Variants in BCKDHB observed in about 807,000 individuals in gnomAD.
BCKDHB encodes the protein branched chain keto acid dehydrogenase E1 subunit beta.
In BCKDHB, 41 loss-of-function variants were observed where a neutral mutation model predicts 48.5. The observed-to-expected ratio is 0.85, with a 90% confidence interval of 0.66 to 1.10. The LOEUF (loss-of-function observed/expected upper bound fraction) is 1.10. Ranked by LOEUF, BCKDHB falls within the 50% of genes least tolerant of loss-of-function variation. The pLI is 0.00. For synonymous variants in BCKDHB, 201 were observed against 174.8 expected (o/e 1.15, Z -1.18); for missense variants, 496 against 494.2 (o/e 1.00, Z -0.03).
chr6:80,367,249 C>G, the BCKDHB span, among the ~76,000 whole-genome samples: 3 of 151,914 alleles, frequency 2.0e-5, no homozygotes, highest in African/African-American at 7.2e-5. Flanking sequence ...TGCTATTTAA[C>G]ATAATTCTAA....
chr6:80,301,169 G>A (rs947167286), intron 9 of BCKDHB, among the ~76,000 whole-genome samples: 25 of 151,654 alleles, frequency 1.6e-4, no homozygotes, highest in African/African-American at 5.6e-4. Flanking sequence ...AGCTAGCAGA[G>A]GAAAATAAAT....
chr6:80,248,206 C>T (rs1582436606), intron 8 of BCKDHB, among the ~76,000 whole-genome samples: 1 of 152,182 alleles, frequency 6.6e-6, no homozygotes, highest in African/African-American at 2.4e-5. Flanking sequence ...TCAGAGTCAG[C>T]ACCACAGTGT....
intron 9 of BCKDHB, among the ~76,000 whole-genome samples, chr6:80,339,523 TG>T (rs1412397259): frequency 6.6e-6 from 1 of 152,260 alleles, no homozygotes; most frequent in East Asian, 1.9e-4. Flanking sequence ...TCACATTGTT[TG>T]CTTTCTTTTC....
chr6:80,295,445 A>G (rs927957859), intron 9 of BCKDHB, among the ~76,000 whole-genome samples: 21 of 152,112 alleles, frequency 1.4e-4, no homozygotes, highest in Non-Finnish European at 2.5e-4. Context: ...CTTACTCACT[A>G]TCACAGAACA....
chr6:80,299,559 G>T (rs528039942), intron 9 of BCKDHB, among the ~76,000 whole-genome samples: 4 of 152,126 alleles, frequency 2.6e-5, no homozygotes, highest in Non-Finnish European at 5.9e-5. Context: ...TATTAAGAAA[G>T]TAAACTTTAT....
At chr6:80,299,711 T>C (rs1767471476) in intron 9 of BCKDHB, among the ~76,000 whole-genome samples, 1 of 152,016 alleles carries the variant, frequency 6.6e-6, no homozygotes, top group Non-Finnish European at 1.5e-5. Flanking sequence ...CCTTAAAGAG[T>C]GCTAAACACG....
At chr6:80,459,140 A>G in the BCKDHB span, among the ~76,000 whole-genome samples, 1 of 152,186 alleles carries the variant, frequency 6.6e-6, no homozygotes, top group Non-Finnish European at 1.5e-5. Context: ...TATTTATCCA[A>G]AAGAATTGAA....
intron 9 of BCKDHB, among the ~76,000 whole-genome samples, chr6:80,302,810 G>T (rs541805881): frequency 6.6e-6 from 1 of 152,230 alleles, no homozygotes; most frequent in African/African-American, 2.4e-5. Context: ...ATTCCATGAA[G>T]TTTTGCTGAG....
the BCKDHB span, among the ~76,000 whole-genome samples, chr6:80,392,820 G>C: frequency 7.3e-5 from 11 of 149,702 alleles, no homozygotes; most frequent in East Asian, 1.9e-3. Context: ...AGCTTAACCT[G>C]GGTCATTCTA....
chr6:80,235,709 A>G (rs759686019), intron 8 of BCKDHB, among the ~76,000 whole-genome samples: 3 of 152,206 alleles, frequency 2.0e-5, no homozygotes, highest in Non-Finnish European at 4.4e-5. Flanking sequence ...TGTTCTACCA[A>G]TTCTCCTTGC....
At chr6:80,279,978 G>C (rs752798842) in intron 9 of BCKDHB, among the ~76,000 whole-genome samples, 13 of 152,186 alleles carry the variant, frequency 8.5e-5, no homozygotes, top group Non-Finnish European at 1.8e-4. Context: ...AGGTAGGTGG[G>C]TATTTCAGGC....
At chr6:80,112,570 A>G (rs1371341134) in intron 1 of BCKDHB, among the ~76,000 whole-genome samples, 1 of 152,228 alleles carries the variant, frequency 6.6e-6, no homozygotes, top group Admixed American at 6.5e-5. Flanking sequence ...CCATTACTAT[A>G]TCAAACACAC....
chr6:80,197,874 A>G (rs1774199669), intron 6 of BCKDHB, among the ~76,000 whole-genome samples: 1 of 152,034 alleles, frequency 6.6e-6, no homozygotes, highest in East Asian at 1.9e-4. Flanking sequence ...TACTTCAGTG[A>G]TATGTGTGTG....
At chr6:80,235,749 A>G (rs942103180) in intron 8 of BCKDHB, among the ~76,000 whole-genome samples, 8 of 152,214 alleles carry the variant, frequency 5.3e-5, no homozygotes, top group Non-Finnish European at 7.3e-5. Flanking sequence ...AGGATAATTT[A>G]AAATCATGGC....
intron 8 of BCKDHB, among the ~76,000 whole-genome samples, chr6:80,226,067 A>T (rs1414904763): frequency 6.6e-6 from 1 of 152,166 alleles, no homozygotes; most frequent in East Asian, 1.9e-4. Flanking sequence ...CCTTACTGTA[A>T]ATTTAAGGCT....
At chr6:80,197,047 T>A (rs1330232851) in intron 6 of BCKDHB, among the ~76,000 whole-genome samples, 16 of 152,186 alleles carry the variant, frequency 1.1e-4, no homozygotes, top group Admixed American at 9.2e-4. Context: ...TAGAGCGGTG[T>A]CAGTTAGTCC....
intron 9 of BCKDHB, chr6:80,307,694 C>G (rs6906556): frequency 0.9 from 875,499 of 970,702 alleles, 395,217 homozygotes; most frequent in East Asian, 0.99. Flanking sequence ...TTTTAACACA[C>G]AACACTGTGT....
At chr6:80,296,344 T>C (rs541881916) in intron 9 of BCKDHB, among the ~76,000 whole-genome samples, 35 of 152,348 alleles carry the variant, frequency 2.3e-4, no homozygotes, top group African/African-American at 7.5e-4. Context: ...GAAATTTGGT[T>C]ACCTCTGTGG....
At chr6:80,334,814 AAGC>A (rs10531766) in intron 9 of BCKDHB, among the ~76,000 whole-genome samples, 69,828 of 151,358 alleles carry the variant, frequency 0.46, 16,918 homozygotes, top group Admixed American at 0.6. Context: ...AGAAGGGAAA[AAGC>A]AGTAAAATAA....
Sources: allele counts gnomAD v4.1 joint callset (sites outside exome capture counted in the v4.1 genomes callset), GRCh38; gene constraint gnomAD v4.1.1; transcripts MANE v1.5; gene names NCBI Gene and HGNC (gene_info 2026-07-23, HGNC 2026-07-21).